The following SNX29 variants were observed in gnomAD, a reference collection of about 807,000 sequenced individuals.
SNX29 encodes the protein sorting nexin-29.
In SNX29, 78 loss-of-function variants were observed where a neutral mutation model predicts 102.1. That is an observed-to-expected ratio of 0.76 (90% CI 0.64 to 0.92). SNX29 has a LOEUF of 0.92. SNX29 is among the 40% of genes least tolerant of loss of function. The probability of loss-of-function intolerance (pLI) is 0.00; values close to 1 mark genes in which losing one functional copy is unlikely to be tolerated. For missense variants in SNX29, 1,280 were observed against 1,061.7 expected (o/e 1.21, Z -2.86); for synonymous variants, 580 against 414.5 (o/e 1.40, Z -4.85).
intron 20 of SNX29, among the ~76,000 whole-genome samples, chr16:12,542,017 G>A (rs139883380): frequency 6.2e-4 from 94 of 152,194 alleles, no homozygotes; most frequent in East Asian, 1.7e-3. Flanking sequence ...TTGCAGCACC[G>A]CTCTGTTTTT....
At chr16:12,083,638 C>G (rs954607380) in intron 11 of SNX29, among the ~76,000 whole-genome samples, 1 of 152,188 alleles carries the variant, frequency 6.6e-6, no homozygotes, top group African/African-American at 2.4e-5. Context: ...GCAATTCAGT[C>G]CATAGCATGA....
chr16:12,115,266 G>C (rs2053648771), intron 11 of SNX29, among the ~76,000 whole-genome samples: 1 of 152,032 alleles, frequency 6.6e-6, no homozygotes. Context: ...CTGTGGTAGG[G>C]ACTGGATTCT....
chr16:12,568,588 CG>C lies in SNX29; in HGVS notation c.2404del (p.Glu802ArgfsTer42). ...RFPKLSRGQP[R>X]ETRNVEPQSG... ...CCCCAAACTGTCCCGGGGTCAGCCC[CG>C]GGAGACCCGCAACGTGGAGCCCCAG... On this transcript the variant is annotated frameshift_variant, in exon 21 of 21. Transcript: ENST00000566228. LOFTEE classifies it high-confidence loss of function. 1 of 1,606,574 alleles carries C rather than the reference CG, an allele frequency of 6.2e-7. No individual in the cohort carries two copies.
chr16:12,073,178 C>T (rs1334562390), intron 10 of SNX29, among the ~76,000 whole-genome samples: 1 of 151,970 alleles, frequency 6.6e-6, no homozygotes, highest in Non-Finnish European at 1.5e-5. Context: ...TTCAGTTCTG[C>T]TCTGATTTTA....
rs116037713 is a variant in SNX29, at chr16:12,044,256, A to G, written c.428+1179A>G. The stretch of plus-strand genomic sequence containing the variant: ...TAGTGTGGCATGTTCCCTTGATTTT[A>G]TGTCTTGCCCTGTGTTCCCTAGTTC... On this transcript the variant is annotated intron_variant, in intron 5 of 20. Transcript: ENST00000566228. Among the ~76,000 whole-genome samples, 1,336 of 152,200 alleles carry G rather than the reference A, an allele frequency of 8.8e-3. 14 individuals are homozygous for G. The highest frequency in any genetic ancestry group is 0.03 in the African/African-American group (1,263 of 41,522).
intron 12 of SNX29, among the ~76,000 whole-genome samples, chr16:12,128,482 T>G (rs1440832841): frequency 6.8e-6 from 1 of 147,720 alleles, no homozygotes; most frequent in East Asian, 2.0e-4. Context: ...AGACGGAGTC[T>G]TGTTCTTTCT....
chr16:12,115,200 C>T (rs1356944378), intron 11 of SNX29, among the ~76,000 whole-genome samples: 2 of 152,082 alleles, frequency 1.3e-5, no homozygotes, highest in African/African-American at 2.4e-5. Flanking sequence ...CAGCCCCCCT[C>T]GCTGCTTTCA....
intron 18 of SNX29, among the ~76,000 whole-genome samples, chr16:12,409,087 A>C (rs558332087): frequency 6.6e-6 from 1 of 152,210 alleles, no homozygotes; most frequent in Non-Finnish European, 1.5e-5. Flanking sequence ...GGACAAAGTA[A>C]TATCTGGAGA....
intron 20 of SNX29, among the ~76,000 whole-genome samples, chr16:12,551,287 C>T (rs373433945): frequency 6.6e-6 from 1 of 152,108 alleles, no homozygotes; most frequent in Non-Finnish European, 1.5e-5. Flanking sequence ...AAATGTTTAA[C>T]CAGTTTGTCA....
intron 18 of SNX29, among the ~76,000 whole-genome samples, chr16:12,462,701 C>CT (rs2086861002): frequency 6.6e-6 from 1 of 152,202 alleles, no homozygotes; most frequent in African/African-American, 2.4e-5. Flanking sequence ...CTATTCCTCA[C>CT]TGCCTCCCCC....
At chr16:12,111,796 T>C (rs1039547959) in intron 11 of SNX29, among the ~76,000 whole-genome samples, 11 of 151,998 alleles carry the variant, frequency 7.2e-5, no homozygotes, top group African/African-American at 2.4e-4. Flanking sequence ...GCTGCTGGGG[T>C]AAAGCAAAAT....
intron 20 of SNX29, among the ~76,000 whole-genome samples, chr16:12,525,857 C>G (rs961419712): frequency 3.9e-5 from 6 of 152,180 alleles, no homozygotes; most frequent in African/African-American, 1.4e-4. Context: ...TCATCCACCC[C>G]TTTGCTCTGG....
At chr16:12,366,241 T>G (rs1409837658) in intron 16 of SNX29, among the ~76,000 whole-genome samples, 1 of 152,158 alleles carries the variant, frequency 6.6e-6, no homozygotes, top group Non-Finnish European at 1.5e-5. Context: ...TGCTCCGTGC[T>G]TCTCCAAAGG....
In SNX29 at chr16:12,199,541, C is replaced by T. The variant is rs545753972; in HGVS notation, c.1596-60C>T. 3.4e-6 allele frequency: 5 copies of T among 1,472,372 alleles called. No homozygotes were observed. In the South Asian group the frequency reaches 6.1e-5, roughly 18 times the overall value. 91.2% of individuals were successfully genotyped at this position (1,472,372 alleles called of 1,614,324 possible). ...ATTCACCACCCACCCCTGCCCCCTC[C>T]TGTGGGTCCACATTGTCACTTTTTA... is the stretch of plus-strand genomic sequence containing the variant. On this transcript the variant is annotated intron_variant, in intron 13 of 20. Coordinates refer to ENST00000566228, the MANE Select transcript of SNX29 (RefSeq NM_032167.5).
chr16:12,432,282 T>G (rs2085346112), intron 18 of SNX29, among the ~76,000 whole-genome samples: 1 of 152,200 alleles, frequency 6.6e-6, no homozygotes, highest in African/African-American at 2.4e-5. Flanking sequence ...TTGTATATCT[T>G]GTATTCTAAG....
rs187594273 is a variant in SNX29 at position 11,981,700 on chromosome 16, T to C, written c.7+4887T>C. ...CAAAGCTGAATACATTAAGTACAAA[T>C]AACCAGGCAGTGGAATGGCGCTAGG... is the stretch of plus-strand genomic sequence containing the variant. On this transcript the variant is annotated intron_variant, in intron 1 of 20. Transcript: ENST00000566228. 2.3e-3 allele frequency among the ~76,000 whole-genome samples: 353 copies of C among 152,092 alleles called. 1 individual carries two copies. The highest frequency in any genetic ancestry group is 3.9e-3 in the Admixed American group (60 of 15,250).
At chr16:12,333,925 C>G (rs1266875445) in intron 15 of SNX29, among the ~76,000 whole-genome samples, 1 of 152,164 alleles carries the variant, frequency 6.6e-6, no homozygotes, top group Non-Finnish European at 1.5e-5. Context: ...TTTCCGTGCC[C>G]TGCATTTATC....
At chr16:12,527,302 A>C (rs1041837170) in intron 20 of SNX29, 1 of 531,924 alleles carries the variant, frequency 1.9e-6, no homozygotes, top group African/African-American at 1.9e-5. Context: ...GCCCACAGAA[A>C]GCAGCGAGAC....
At chr16:12,228,154 CA>C (rs1426090820) in intron 14 of SNX29, among the ~76,000 whole-genome samples, 2 of 152,174 alleles carry the variant, frequency 1.3e-5, no homozygotes, top group African/African-American at 2.4e-5. Context: ...TCAGAGTCTG[CA>C]CTTTAACAAG....
Sources: allele counts gnomAD v4.1 joint callset (sites outside exome capture counted in the v4.1 genomes callset), GRCh38; gene constraint gnomAD v4.1.1; transcripts MANE v1.5; gene names NCBI Gene and HGNC (gene_info 2026-07-23, HGNC 2026-07-21).